The following TADA2A variants were observed in gnomAD, a reference collection of about 807,000 sequenced individuals.
The protein encoded by TADA2A is transcriptional adapter 2-alpha.
In TADA2A, 38 loss-of-function variants were observed where a neutral mutation model predicts 67.4. The observed-to-expected ratio is 0.56, with a 90% CI of 0.44 to 0.74. The LOEUF (loss-of-function observed/expected upper bound fraction) is 0.74, where lower values mean the gene tolerates loss of function less well. TADA2A is among the 30% of genes least tolerant of loss of function. The pLI is 0.00. For missense variants in TADA2A, 454 were observed against 547.0 expected (o/e 0.83, Z 1.70); for synonymous variants, 192 against 181.6 (o/e 1.06, Z -0.46).
intron 5 of TADA2A, among the ~76,000 whole-genome samples, chr17:37,439,945 ATTTTTTT>A (rs3987837): frequency 4.2e-5 from 4 of 94,894 alleles, no homozygotes; most frequent in Admixed American, 1.9e-4. Context: ...TTTATTTATT[ATTTTTTT>A]TTTTTTTTGA....
At chr17:37,473,127 A>ATTTTTT (rs1020173351) in intron 14 of TADA2A, among the ~76,000 whole-genome samples, 6 of 85,684 alleles carry the variant, frequency 7.0e-5, no homozygotes, top group African/African-American at 1.3e-4. Context: ...ACCTGGAGAA[A>ATTTTTT]TTTTTTTTTT....
At chr17:37,439,503 G>T (rs191792204) in intron 5 of TADA2A, among the ~76,000 whole-genome samples, 7 of 151,870 alleles carry the variant, frequency 4.6e-5, no homozygotes, top group African/African-American at 7.3e-5. Context: ...GGCTGGTCTC[G>T]AACTCCTGAG....
chr17:37,464,085 A>C (rs2053608205), intron 10 of TADA2A, among the ~76,000 whole-genome samples: 1 of 152,210 alleles, frequency 6.6e-6, no homozygotes, highest in Admixed American at 6.5e-5. Flanking sequence ...TTCGAGAGTT[A>C]CTGACTGCTC....
At chr17:37,466,774 C>G (rs2053672776) in intron 11 of TADA2A, among the ~76,000 whole-genome samples, 1 of 152,190 alleles carries the variant, frequency 6.6e-6, no homozygotes, top group African/African-American at 2.4e-5. Flanking sequence ...GCTCTTCCTT[C>G]ATTCTCTGTT....
chr17:37,467,340 G>C (rs370944229), intron 11 of TADA2A, 114 bp from the exon 12 acceptor site: 82 of 790,740 alleles, frequency 1.0e-4, no homozygotes, highest in East Asian at 4.3e-4. Context: ...TTCTCCAAAT[G>C]AACTTCCCTA....
intron 2 of TADA2A, among the ~76,000 whole-genome samples, chr17:37,416,495 C>G (rs1321840837): frequency 6.6e-6 from 1 of 151,652 alleles, no homozygotes; most frequent in Admixed American, 6.6e-5. Flanking sequence ...GGTGTTTTTG[C>G]CAAAAAAAGT....
rs148036394 is a variant in TADA2A, at chr17:37,460,306, C to T, written c.668+1719C>T. On this transcript the variant is annotated intron_variant, in intron 9 of 15. Transcript: ENST00000615182. ...CGTCACCCAGGCTGGAGTGTAATGG[C>T]GCGATCTCAGCTCACTGCAGCGTCT... Among the ~76,000 whole-genome samples the T allele has an allele frequency of 1.1e-3, 166 of 151,944 alleles. 2 individuals are homozygous for T. The highest frequency in any genetic ancestry group is 7.3e-3 in the South Asian group (35 of 4,802).
At chr17:37,443,180 C>T (rs1437000195) in intron 7 of TADA2A, among the ~76,000 whole-genome samples, 1 of 151,916 alleles carries the variant, frequency 6.6e-6, no homozygotes, top group African/African-American at 2.4e-5. Flanking sequence ...AAAAAAACCC[C>T]AGCAAACCCA....
chr17:37,408,309 A>T (rs2051709800), intron 1 of TADA2A: 1 of 152,300 alleles, frequency 6.6e-6, no homozygotes, highest in South Asian at 2.1e-4. Context: ...CCAGAGTGCA[A>T]CAGCGCGTTC....
At chr17:37,468,411 A>G (rs1296965592) in intron 12 of TADA2A, among the ~76,000 whole-genome samples, 1 of 152,222 alleles carries the variant, frequency 6.6e-6, no homozygotes, top group Non-Finnish European at 1.5e-5. Context: ...ACCAGGTCAT[A>G]AGAGATAGTG....
intron 8 of TADA2A, among the ~76,000 whole-genome samples, chr17:37,450,980 C>T (rs540191697): frequency 2.6e-5 from 4 of 152,032 alleles, no homozygotes; most frequent in Admixed American, 1.3e-4. Context: ...GTTTAAACTA[C>T]TGAAGTGATC....
At chr17:37,407,740 C>T (rs1040259037) in intron 1 of TADA2A, among the ~76,000 whole-genome samples, 2 of 152,008 alleles carry the variant, frequency 1.3e-5, no homozygotes, top group Non-Finnish European at 2.9e-5. Context: ...AGGCGTGGGC[C>T]ACCACGCCCA....
Position 37,477,051 on chromosome 17 carries a change from G to C in TADA2A, c.*69G>C, listed in dbSNP as rs376358646. On this transcript the variant is annotated 3_prime_UTR_variant, in exon 16 of 16. Coordinates refer to ENST00000615182, the MANE Select transcript of TADA2A (RefSeq NM_001166105.3). ...GTGGGTCAAAGGACAATATGGGTGGGCATTCTGGAGAGTTGTTTTTCAGCT... is the reference window on the plus strand; with the variant it reads ...GTGGGTCAAAGGACAATATGGGTGGCCATTCTGGAGAGTTGTTTTTCAGCT... 39 of 1,455,562 alleles carry C rather than the reference G, an allele frequency of 2.7e-5. No homozygotes were observed. The highest frequency in any genetic ancestry group is 3.6e-5 in the Non-Finnish European group (39 of 1,078,834). The allele number at this position is 1,455,562 out of a possible 1,614,324, so 90.2% of individuals were successfully genotyped here.
intron 6 of TADA2A, 123 bp downstream of exon 6, chr17:37,440,785 A>T: frequency 8.1e-7 from 1 of 1,233,144 alleles, no homozygotes; most frequent in Non-Finnish European, 1.1e-6. Flanking sequence ...AGGAGGAGTT[A>T]GTATGGCAGC....
chr17:37,470,524 A>G lies in TADA2A; in HGVS notation c.1020A>G (p.Gln340=). The G allele has an allele frequency of 6.4e-7, 1 of 1,565,422 alleles. No individual in the cohort carries two copies. The part of the protein sequence containing the change: ...SSACQQWLRR[Q]ADIDSGLSPS... ...CTTGCCAGCAGTGGCTCCGCCGGCA[A>G]GCTGACATGTGAGTAATTACTCCAG... Residue 340 remains glutamine, a synonymous_variant, in exon 13 of 16, where the codon CAA becomes CAG. Coordinates refer to ENST00000615182, the MANE Select transcript of TADA2A (RefSeq NM_001166105.3).
At chr17:37,472,412 T>A (rs991211567) in intron 14 of TADA2A, among the ~76,000 whole-genome samples, 1 of 151,880 alleles carries the variant, frequency 6.6e-6, no homozygotes, top group Non-Finnish European at 1.5e-5. Context: ...TTATTTCAAG[T>A]GATTTTTTCT....
chr17:37,426,727 C>A (rs2147934389), intron 3 of TADA2A: 4 of 296,984 alleles, frequency 1.3e-5, no homozygotes, highest in Admixed American at 5.5e-5. Flanking sequence ...CACCTGTAAT[C>A]TTAGCACTTT....
At chr17:37,429,758 TC>T (rs2147941291) in intron 4 of TADA2A, among the ~76,000 whole-genome samples, 1 of 152,322 alleles carries the variant, frequency 6.6e-6, no homozygotes, top group South Asian at 2.1e-4. Context: ...AATGAATTAA[TC>T]AAAGAACCAG....
At chr17:37,468,022 T>C (rs2053704594) in intron 12 of TADA2A, among the ~76,000 whole-genome samples, 1 of 151,508 alleles carries the variant, frequency 6.6e-6, no homozygotes, top group Non-Finnish European at 1.5e-5. Context: ...GCAGTTGTTG[T>C]AGTGAGCCAA....
Sources: gnomAD v4.1 joint callset for allele counts (sites outside exome capture counted in the v4.1 genomes callset) on GRCh38, gnomAD v4.1.1 for gene constraint, MANE v1.5 for transcripts, NCBI Gene and HGNC (gene_info 2026-07-23, HGNC 2026-07-21) for gene names.